SORL1: variants seen among roughly 807,000 people sequenced by gnomAD.
SORL1 encodes the protein sortilin-related receptor.
A neutral mutation model predicts 273.7 loss-of-function variants in SORL1; 127 were observed. That is an observed-to-expected ratio of 0.46 (90% CI 0.40 to 0.54). SORL1 has a LOEUF of 0.54. Ranked by LOEUF, SORL1 falls within the 20% of genes least tolerant of loss-of-function variation. SORL1 has a pLI of 0.00. For synonymous variants in SORL1, 1,031 were observed against 1,067.4 expected (o/e 0.97, Z 0.66); for missense variants, 2,494 against 2,846.1 (o/e 0.88, Z 2.81).
chr11:121,535,440 C>G (rs12271966), intron 12 of SORL1, among the ~76,000 whole-genome samples: 2,563 of 152,268 alleles, frequency 0.017, 84 homozygotes, highest in African/African-American at 0.058. Context: ...ACCAAGGATG[C>G]AAAGGCAAGT....
At chr11:121,591,633 T>G (rs981266564) in intron 31 of SORL1, among the ~76,000 whole-genome samples, 1 of 152,234 alleles carries the variant, frequency 6.6e-6, no homozygotes, top group African/African-American at 2.4e-5. Flanking sequence ...GCTGAAGGTC[T>G]GTAGTCACCA....
rs1863698048 is a variant in SORL1, at chr11:121,619,917, G to A, written c.5889G>A (p.Leu1963=). The A allele has an allele frequency of 6.2e-7, 1 of 1,613,012 alleles. No individual in the cohort carries two copies. The highest frequency in any genetic ancestry group is 1.7e-5 in the Admixed American group (1 of 59,990). The change falls in exon 43 of 48, where the codon TTG becomes TTA. Residue 1963 remains leucine, a splice_region_variant and synonymous_variant. Coordinates refer to ENST00000260197, the MANE Select transcript of SORL1 (RefSeq NM_003105.6). ...ESPYDSPDQD[L]LYAVAVKDLI... Reference sequence around the variant, plus strand: ...CGTATGACTCTCCTGACCAGGACTTGGTGAGTGGGTTGGGCTTCCAGGCCT... The same window carrying A: ...CGTATGACTCTCCTGACCAGGACTTAGTGAGTGGGTTGGGCTTCCAGGCCT...
intron 8 of SORL1, among the ~76,000 whole-genome samples, chr11:121,517,547 A>G (rs1861974289): frequency 6.6e-6 from 1 of 152,162 alleles, no homozygotes; most frequent in Non-Finnish European, 1.5e-5. Flanking sequence ...TGGCTGTGGA[A>G]TGGAAAAGTC....
chr11:121,519,685 G>A (rs1042928703), intron 8 of SORL1, among the ~76,000 whole-genome samples: 1 of 152,214 alleles, frequency 6.6e-6, no homozygotes, highest in African/African-American at 2.4e-5. Context: ...TACCTGGAGA[G>A]GGGCTGTGTA....
intron 43 of SORL1, among the ~76,000 whole-genome samples, chr11:121,620,727 A>G (rs1251898196): frequency 6.6e-6 from 1 of 152,174 alleles, no homozygotes; most frequent in African/African-American, 2.4e-5. Context: ...TCCATGAACT[A>G]TTGCAGTGGT....
chr11:121,479,445 G>T (rs1174124629), intron 3 of SORL1, among the ~76,000 whole-genome samples: 1 of 152,186 alleles, frequency 6.6e-6, no homozygotes, highest in East Asian at 1.9e-4. Context: ...GATCTACAGG[G>T]TCCTCTTTCC....
At chr11:121,606,769 G>GGGTT in intron 35 of SORL1, 76 bp from the exon 36 acceptor site, 1 of 762,774 alleles carries the variant, frequency 1.3e-6, no homozygotes, top group Admixed American at 1.9e-5. Flanking sequence ...TCTTGTCCTT[G>GGGTT]TTCTAAGCCC....
chr11:121,534,127 G>A (rs1244940186), intron 12 of SORL1, among the ~76,000 whole-genome samples: 2 of 152,186 alleles, frequency 1.3e-5, no homozygotes, highest in South Asian at 2.1e-4. Context: ...GTAGTGTTTG[G>A]TATACTGCTA....
intron 2 of SORL1, among the ~76,000 whole-genome samples, chr11:121,473,934 G>A (rs946848201): frequency 1.3e-5 from 2 of 152,118 alleles, no homozygotes; most frequent in African/African-American, 4.8e-5. Context: ...AACCAGGGAA[G>A]ATACTGTGCA....
At position 121,590,087 on chromosome 11, in the gene SORL1, T is replaced by G; in HGVS notation, c.4126T>G (p.Cys1376Gly). ...PNCSRYFQFR[C>G]ENGHCIPNRW... is the part of the protein sequence containing the mutation. ...CTGCTCCCGCTACTTCCAGTTTCGG[T>G]GTGAGAATGGCCACTGCATCCCCAA... The change falls in exon 30 of 48, where the codon TGT becomes GGT. Residue 1376 changes from cysteine (C) to glycine (G), a missense_variant. Physicochemically the swap from Cys to Gly is radical, Grantham distance 159 (BLOSUM62 -3). Around this residue, in one of 3 missense-constraint regions of SORL1, gnomAD observed 1,609 missense variants for 1,816.4 expected, o/e 0.89. Transcript: ENST00000260197. 6.2e-7 allele frequency: 1 copy of G among 1,614,094 alleles called. No homozygotes were observed. The highest frequency in any genetic ancestry group is 8.5e-7 in the Non-Finnish European group (1 of 1,179,986).
At chr11:121,456,857 C>G (rs1251383773) in intron 1 of SORL1, among the ~76,000 whole-genome samples, 1 of 152,184 alleles carries the variant, frequency 6.6e-6, no homozygotes, top group Non-Finnish European at 1.5e-5. Context: ...GACAAAAGGC[C>G]TCCTTTGGGG....
intron 6 of SORL1, among the ~76,000 whole-genome samples, chr11:121,497,624 C>T (rs142536850): frequency 8.9e-4 from 135 of 152,250 alleles, no homozygotes; most frequent in Middle Eastern, 3.4e-3. Context: ...AGCCAGATGC[C>T]GAAATGGTGG....
At chr11:121,487,930 C>T in intron 3 of SORL1, 102 bp from the exon 4 acceptor site, 1 of 1,227,184 alleles carries the variant, frequency 8.1e-7, no homozygotes, top group South Asian at 1.4e-5. Context: ...GCCAGCTGGC[C>T]CCTGCACATG....
At position 121,539,766 on chromosome 11, in the gene SORL1, A is replaced by G. The variant is rs1862319806; in HGVS notation, c.1686-3782A>G. Among the ~76,000 whole-genome samples the G allele has an allele frequency of 3.3e-5, 5 of 152,340 alleles. No individual in the cohort carries two copies. The South Asian group carries it at 1.0e-3, about 32-fold the overall frequency. On this transcript the variant is annotated intron_variant, in intron 12 of 47. Transcript: ENST00000260197. ...TTCAATTCAAAGTTCTAGTAAAGATAGGAAGAACTGGGTGATGGTTTTCAT... is the reference window on the plus strand; with the variant it reads ...TTCAATTCAAAGTTCTAGTAAAGATGGGAAGAACTGGGTGATGGTTTTCAT...
At position 121,534,126 on chromosome 11, in the gene SORL1, G is replaced by A. The variant is rs182390757; in HGVS notation, c.1685+1574G>A. Among the ~76,000 whole-genome samples, 8 of 152,292 alleles carry A rather than the reference G, an allele frequency of 5.3e-5. No homozygotes were observed. The East Asian group carries it at 1.5e-3, about 29-fold the overall frequency. On this transcript the variant is annotated intron_variant, in intron 12 of 47. Coordinates refer to ENST00000260197, the MANE Select transcript of SORL1 (RefSeq NM_003105.6). ...GGGCGACGAAACAATTGTAGTGTTT[G>A]GTATACTGCTATGTGTGTAATACGC... is the stretch of plus-strand genomic sequence containing the variant.
At position 121,550,525 on chromosome 11, in the gene SORL1, G is replaced by A. The variant is rs925748332; in HGVS notation, c.2181-60G>A. ...GGGTAGTAAGTGTATTCCCAGCTGGGATGCCTTTGTGGCTATTCTTCCATG... is the reference window on the plus strand; with the variant it reads ...GGGTAGTAAGTGTATTCCCAGCTGGAATGCCTTTGTGGCTATTCTTCCATG... On this transcript the variant is annotated intron_variant, in intron 15 of 47. Coordinates refer to ENST00000260197, the MANE Select transcript of SORL1 (RefSeq NM_003105.6). This position sits in a 1 kb window ranked among gnomAD's most constrained non-coding sequence, Gnocchi z 5.3. The A allele has an allele frequency of 7.6e-6, 11 of 1,440,610 alleles. No individual in the cohort carries two copies. Among genetic ancestry groups the A allele is most frequent in the Non-Finnish European group, 7.8e-6 (8 of 1,022,848 alleles). 89.2% of individuals were successfully genotyped at this position (1,440,610 alleles called of 1,614,324 possible).
chr11:121,601,788 A>G (rs1477540373), intron 32 of SORL1, among the ~76,000 whole-genome samples: 5 of 151,932 alleles, frequency 3.3e-5, no homozygotes, highest in African/African-American at 1.2e-4. Flanking sequence ...GAAACCTCCA[A>G]CGTCCTCAGC....
At chr11:121,540,266 AC>A (rs1181413150) in intron 12 of SORL1, among the ~76,000 whole-genome samples, 2 of 152,064 alleles carry the variant, frequency 1.3e-5, no homozygotes, top group Non-Finnish European at 2.9e-5. Context: ...ATATTATCTG[AC>A]CTTCCCATCT....
chr11:121,483,737 G>A (rs1861431139), intron 3 of SORL1, among the ~76,000 whole-genome samples: 1 of 152,134 alleles, frequency 6.6e-6, no homozygotes, highest in South Asian at 2.1e-4. Flanking sequence ...AAAAGCCAGG[G>A]TGAAATACTG....
Sources: allele counts gnomAD v4.1 joint callset (sites outside exome capture counted in the v4.1 genomes callset), GRCh38; gene constraint gnomAD v4.1.1; regional missense constraint gnomAD v4.1.1; non-coding constraint Gnocchi (gnomAD v3.1); transcripts MANE v1.5; gene names NCBI Gene and HGNC (gene_info 2026-07-23, HGNC 2026-07-21).